STMN4: variants seen among roughly 807,000 people sequenced by gnomAD.
STMN4 encodes the protein stathmin 4.
In STMN4, 12 loss-of-function variants were observed where a neutral mutation model predicts 29.1. That is an observed-to-expected ratio of 0.41 (90% CI 0.26 to 0.67). STMN4 has a LOEUF of 0.67. Ranked by LOEUF, STMN4 falls within the 30% of genes least tolerant of loss-of-function variation. The pLI, the probability that STMN4 is intolerant of heterozygous loss-of-function variation, is 0.30. For synonymous variants in STMN4, 114 were observed against 105.3 expected, an observed-to-expected ratio of 1.08 and a Z score of -0.51; for missense variants, 181 against 262.8, an observed-to-expected ratio of 0.69 and a Z score of 2.15.
chr8:27,253,370 A>C (rs1052168978), intron 1 of STMN4, among the ~76,000 whole-genome samples: 1 of 152,262 alleles, frequency 6.6e-6, no homozygotes, highest in Non-Finnish European at 1.5e-5. Flanking sequence ...ATTAAGAATA[A>C]AAGAGTATCT....
chr8:27,242,887 A>G (rs1266924214), intron 2 of STMN4, among the ~76,000 whole-genome samples: 1 of 152,152 alleles, frequency 6.6e-6, no homozygotes, highest in Non-Finnish European at 1.5e-5. Context: ...CCCACACTCC[A>G]TTCTACTCCA....
intron 1 of STMN4, among the ~76,000 whole-genome samples, chr8:27,250,752 G>A (rs2130138297): frequency 6.6e-6 from 1 of 152,294 alleles, no homozygotes; most frequent in Admixed American, 6.5e-5. Flanking sequence ...CTCCCAGAGG[G>A]TACCCAACAG....
intron 1 of STMN4, among the ~76,000 whole-genome samples, chr8:27,257,990 T>TCACAGCCAG (rs1405716005): frequency 6.6e-6 from 1 of 152,152 alleles, no homozygotes; most frequent in Admixed American, 6.5e-5. Flanking sequence ...TTGAAAGGGA[T>TCACAGCCAG]CTTCAGGTCA....
chr8:27,238,734 G>T (rs757335978), intron 6 of STMN4, among the ~76,000 whole-genome samples: 34 of 152,210 alleles, frequency 2.2e-4, no homozygotes, highest in Non-Finnish European at 2.6e-4. Context: ...GTGACCCTGG[G>T]TAAGTCATTT....
chr8:27,251,187 A>G (rs1027880491), intron 1 of STMN4, among the ~76,000 whole-genome samples: 1 of 152,140 alleles, frequency 6.6e-6, no homozygotes, highest in Non-Finnish European at 1.5e-5. Context: ...CAGGAAGTGG[A>G]GGTTGCAGTG....
chr8:27,254,550 G>C (rs547457736), intron 1 of STMN4, among the ~76,000 whole-genome samples: 44 of 152,156 alleles, frequency 2.9e-4, no homozygotes, highest in Non-Finnish European at 5.6e-4. Flanking sequence ...TTGATGGAAA[G>C]GCCAGCAAGC....
chr8:27,246,058 C>T (rs1170930351), intron 1 of STMN4, among the ~76,000 whole-genome samples: 2 of 152,196 alleles, frequency 1.3e-5, no homozygotes, highest in Admixed American at 1.3e-4. Context: ...GACTTGTAAG[C>T]TCTTCCATTG....
intron 1 of STMN4, among the ~76,000 whole-genome samples, chr8:27,246,643 G>C (rs1426204147): frequency 6.6e-6 from 1 of 152,166 alleles, no homozygotes; most frequent in African/African-American, 2.4e-5. Flanking sequence ...AATGGCAAGT[G>C]TCCTTATAAG....
At chr8:27,249,452 C>T (rs1043077903) in intron 1 of STMN4, among the ~76,000 whole-genome samples, 3 of 152,134 alleles carry the variant, frequency 2.0e-5, no homozygotes, top group Non-Finnish European at 4.4e-5. Flanking sequence ...TACATCAGTC[C>T]CACACGATAA....
At chr8:27,241,807 T>C (rs753352938) in intron 3 of STMN4, 50 bp from the exon 4 acceptor site, 96 of 1,609,256 alleles carry the variant, frequency 6.0e-5, no homozygotes, top group Admixed American at 2.0e-4. Flanking sequence ...TGTTCCTTGG[T>C]GCCAGACCAA....
rs556817982 is a variant in STMN4, at chr8:27,236,114, G to C, written c.*732C>G. 1 of 152,270 alleles carries C rather than the reference G, an allele frequency of 6.6e-6. No individual in the cohort carries two copies. The highest frequency in any genetic ancestry group is 2.1e-4 in the South Asian group (1 of 4,828). 9.4% of individuals were successfully genotyped at this position (152,270 alleles called of 1,614,324 possible). ...AGAGGGGATTTTAAAAAACAGAAGAGAAAACCTTTCAATTATGCCAAAGGC... is the reference window on the plus strand; with the variant it reads ...AGAGGGGATTTTAAAAAACAGAAGACAAAACCTTTCAATTATGCCAAAGGC... On this transcript the variant is annotated 3_prime_UTR_variant, in exon 7 of 7. Transcript: ENST00000350889.
intron 1 of STMN4, among the ~76,000 whole-genome samples, chr8:27,246,369 T>G (rs559416202): frequency 6.6e-6 from 1 of 152,342 alleles, no homozygotes; most frequent in South Asian, 2.1e-4. Flanking sequence ...GCAGCTGCTA[T>G]GTGACAAACT....
rs191073762 is a variant in STMN4 at position 27,241,579 on chromosome 8, G to T, written c.190+98C>A. The T allele has an allele frequency of 3.5e-5, 50 of 1,417,164 alleles. No homozygotes were observed. In the African/African-American group the frequency reaches 6.5e-4, roughly 18 times the overall value. The allele number at this position is 1,417,164 out of a possible 1,614,324, so 87.8% of individuals were successfully genotyped here. On this transcript the variant is annotated intron_variant, in intron 4 of 6. Coordinates refer to ENST00000350889, the MANE Select transcript of STMN4 (RefSeq NM_030795.4). ...TGCTGAGCTGCTCAATTTGTCGTCC[G>T]TGGTGACAGGCAGGGGTGCGTTTCA...
intron 6 of STMN4, chr8:27,239,560 A>G (rs1185011291): frequency 1.2e-6 from 1 of 807,090 alleles, no homozygotes; most frequent in South Asian, 1.9e-5. Flanking sequence ...TCAGCTCATC[A>G]TACCCGTGAC....
intron 1 of STMN4, among the ~76,000 whole-genome samples, chr8:27,251,393 A>G (rs981168898): frequency 6.6e-6 from 1 of 151,304 alleles, no homozygotes; most frequent in Non-Finnish European, 1.5e-5. Context: ...GTTCAGGGGC[A>G]TGGACTTCCA....
At chr8:27,253,155 G>A (rs1801841622) in intron 1 of STMN4, among the ~76,000 whole-genome samples, 1 of 152,164 alleles carries the variant, frequency 6.6e-6, no homozygotes, top group Admixed American at 6.5e-5. Flanking sequence ...AGCCCAAGAA[G>A]TGCCTTGCCT....
intron 4 of STMN4, 142 bp from the exon 5 acceptor site, chr8:27,241,404 A>G (rs1479183635): frequency 2.1e-6 from 2 of 975,012 alleles, no homozygotes; most frequent in South Asian, 1.6e-5. Context: ...CCTACACCCT[A>G]GTACCTAAGG....
At chr8:27,237,788 C>G (rs902706430) in intron 6 of STMN4, among the ~76,000 whole-genome samples, 24 of 152,224 alleles carry the variant, frequency 1.6e-4, no homozygotes, top group Non-Finnish European at 2.8e-4. Context: ...GACAGGTGGT[C>G]TTTCACCCCT....
chr8:27,241,611 G>A (rs1801474659), intron 4 of STMN4, 66 bp downstream of exon 4: 2 of 1,539,934 alleles, frequency 1.3e-6, no homozygotes, highest in South Asian at 1.1e-5. Flanking sequence ...TTCAGCCCCC[G>A]CCCACCCCCG....
Sources: allele counts gnomAD v4.1 joint callset (sites outside exome capture counted in the v4.1 genomes callset), GRCh38; gene constraint gnomAD v4.1.1; transcripts MANE v1.5; gene names NCBI Gene and HGNC (gene_info 2026-07-23, HGNC 2026-07-21).